The following ANKRD52 variants were observed in gnomAD, a reference collection of about 807,000 sequenced individuals.
ANKRD52 encodes the protein ankyrin repeat domain 52, also known as serine/threonine-protein phosphatase 6 regulatory ankyrin repeat subunit C.
In ANKRD52, 7 loss-of-function variants were observed where a neutral mutation model predicts 116.0. That is an observed-to-expected ratio of 0.06 (90% CI 0.03 to 0.11). The LOEUF is 0.11. Among genes scored for constraint, ANKRD52 ranks in the 10% least tolerant of loss-of-function variants. The probability of loss-of-function intolerance (pLI) is 1.00; values close to 1 mark genes in which losing one functional copy is unlikely to be tolerated. For missense variants in ANKRD52, 839 were observed against 1,408.6 expected, an observed-to-expected ratio of 0.60 and a Z score of 6.47; for synonymous variants, 528 against 578.1, an observed-to-expected ratio of 0.91 and a Z score of 1.24.
rs12815735 is a variant in ANKRD52, at chr12:56,239,219, G to A, written c.*3923C>T. ...CTCTAGGGGTTGGGTTGGGAGGAGG[G>A]AGCCCCCAAGGCAGACCCTTCCCTC... On this transcript the variant is annotated 3_prime_UTR_variant, in exon 28 of 28. Coordinates refer to ENST00000267116, the MANE Select transcript of ANKRD52 (RefSeq NM_173595.4). The A allele has an allele frequency of 0.014, 2,195 of 152,392 alleles. 28 individuals carry two copies. The highest frequency in any genetic ancestry group is 0.025 in the Non-Finnish European group (1,709 of 68,080). 9.4% of individuals were successfully genotyped at this position (152,392 alleles called of 1,614,324 possible).
At chr12:56,245,297 C>T (rs1871342761) in intron 21 of ANKRD52, 80 bp downstream of exon 21, 3 of 1,591,116 alleles carry the variant, frequency 1.9e-6, no homozygotes, top group Non-Finnish European at 2.6e-6. Flanking sequence ...CAACCCAGGT[C>T]CCCCCCAACA....
Position 56,248,936 on chromosome 12 carries a change from G to T in ANKRD52, c.1593-66C>A. 1.6e-6 allele frequency: 2 copies of T among 1,236,240 alleles called. No individual in the cohort carries two copies. Among genetic ancestry groups the T allele is most frequent in the Non-Finnish European group, 2.2e-6 (2 of 893,072 alleles). The allele number at this position is 1,236,240 out of a possible 1,614,324, so 76.6% of individuals were successfully genotyped here. ...AGCCCAGGAGGGCACAGTTCTGGGAGGGCCAGAGGAGAGGACCAAGGCCCT... is the reference window on the plus strand; with the variant it reads ...AGCCCAGGAGGGCACAGTTCTGGGATGGCCAGAGGAGAGGACCAAGGCCCT... On this transcript the variant is annotated intron_variant, in intron 15 of 27. Transcript: ENST00000267116. The surrounding 1 kb of genome is among the most constrained non-coding windows in gnomAD (Gnocchi z 5.1).
At chr12:56,246,952 T>C (rs1592389218) in intron 20 of ANKRD52, among the ~76,000 whole-genome samples, 2 of 145,504 alleles carry the variant, frequency 1.4e-5, no homozygotes, top group South Asian at 4.3e-4. Flanking sequence ...ATAATAATAA[T>C]AATAATAATA....
At position 56,248,340 on chromosome 12, in the gene ANKRD52, C is replaced by A; in HGVS notation, c.1777-116G>T. On this transcript the variant is annotated intron_variant, in intron 17 of 27. Transcript: ENST00000267116. This position sits in a 1 kb window ranked among gnomAD's most constrained non-coding sequence, Gnocchi z 5.1. Reference sequence around the variant, plus strand: ...CAAGGTCTTAGTCCTTGACAAGCTCCTTGGGCCCCTTAAGGCTTCCTACCC... The same window carrying A: ...CAAGGTCTTAGTCCTTGACAAGCTCATTGGGCCCCTTAAGGCTTCCTACCC... 6.9e-7 allele frequency: 1 copy of A among 1,440,144 alleles called. No individual in the cohort carries two copies. Among genetic ancestry groups the A allele is most frequent in the Middle Eastern group, 1.8e-4 (1 of 5,620 alleles). 89.2% of individuals were successfully genotyped at this position (1,440,144 alleles called of 1,614,324 possible). A position where few individuals can be genotyped will look rare whatever the true frequency, so the allele number is the denominator to read the frequency against.
At position 56,253,077 on chromosome 12, in the gene ANKRD52, G is replaced by A; in HGVS notation, c.1110C>T (p.Ile370=). Residue 370 remains isoleucine, a synonymous_variant, in exon 11 of 28, where the codon ATC becomes ATT. Coordinates refer to ENST00000267116, the MANE Select transcript of ANKRD52 (RefSeq NM_173595.4). This position sits in a 1 kb window ranked among gnomAD's most constrained non-coding sequence, Gnocchi z 5.5. ...CTAAGTGCAGGGGGAACATGTCATG[G>A]ATGCCACGCCTAGAGAGAAGTTGAG... The part of the protein sequence containing the change: ...TNGADTARRG[I]HDMFPLHLAV... 6.3e-7 allele frequency: 1 copy of A among 1,577,166 alleles called. No individual in the cohort carries two copies. Among genetic ancestry groups the A allele is most frequent in the Non-Finnish European group, 8.6e-7 (1 of 1,161,832 alleles).
At position 56,257,076 on chromosome 12, in the gene ANKRD52, A is replaced by G; in HGVS notation, c.200T>C (p.Val67Ala). Residue 67 changes from valine (V) to alanine (A), a missense_variant, in exon 4 of 28, where the codon GTC (valine) becomes GCC (alanine). Val to Ala is a moderately conservative substitution (Grantham distance 64). Around this residue, in one of 2 missense-constraint regions of ANKRD52, gnomAD observed 287 missense variants for 598.1 expected, o/e 0.48. Coordinates refer to ENST00000267116, the MANE Select transcript of ANKRD52 (RefSeq NM_173595.4). ...CAGCCACAGTGTGTCCTTAGCATTGACATTAGCACCTGTGGGGATATAATT... is the reference window on the plus strand; with the variant it reads ...CAGCCACAGTGTGTCCTTAGCATTGGCATTAGCACCTGTGGGGATATAATT... Reference protein sequence around the residue: ...LQLLLMSGANVNAKDTLWLTP... With the variant: ...LQLLLMSGANANAKDTLWLTP... 6.2e-7 allele frequency: 1 copy of G among 1,612,990 alleles called. No individual in the cohort carries two copies. The highest frequency in any genetic ancestry group is 8.5e-7 in the Non-Finnish European group (1 of 1,179,576).
In ANKRD52 at chr12:56,241,728, C is replaced by G; in HGVS notation, c.*1414G>C. ...CACTGGGCTGCAGGAGTGGGTCCAA[C>G]TGTCCAGGAGGCTGCACTAGGAGAT... On this transcript the variant is annotated 3_prime_UTR_variant, in exon 28 of 28. Coordinates refer to ENST00000267116, the MANE Select transcript of ANKRD52 (RefSeq NM_173595.4). The G allele has an allele frequency of 2.8e-6, 1 of 351,176 alleles. No individual in the cohort carries two copies. The highest frequency in any genetic ancestry group is 5.1e-6 in the Non-Finnish European group (1 of 196,352). The allele number at this position is 351,176 out of a possible 1,614,324, so 21.8% of individuals were successfully genotyped here. A position where few individuals can be genotyped will look rare whatever the true frequency, so the allele number is the denominator to read the frequency against.
rs1871459018 is a variant in ANKRD52 at position 56,247,351 on chromosome 12, A to C, written c.2184+142T>G. The C allele has an allele frequency of 1.8e-5, 12 of 659,026 alleles. No homozygotes were observed. The South Asian group carries it at 2.8e-4, about 15-fold the overall frequency. The allele number at this position is 659,026 out of a possible 1,614,324, so 40.8% of individuals were successfully genotyped here. On this transcript the variant is annotated intron_variant, in intron 20 of 27. Coordinates refer to ENST00000267116, the MANE Select transcript of ANKRD52 (RefSeq NM_173595.4). ...ATGGGAGTGAGACCCTGTCTCAAAA[A>C]AAAAAAAAAAAAAGAAAAAGAAAAA...
rs1156649028 is a variant in ANKRD52, at chr12:56,248,302, T to C, written c.1777-78A>G. 6.4e-7 allele frequency: 1 copy of C among 1,553,582 alleles called. No individual in the cohort carries two copies. Among genetic ancestry groups the C allele is most frequent in the Non-Finnish European group, 8.8e-7 (1 of 1,133,326 alleles). On this transcript the variant is annotated intron_variant, in intron 17 of 27. Transcript: ENST00000267116. The surrounding 1 kb of genome is among the most constrained non-coding windows in gnomAD (Gnocchi z 5.1). ...CCCTTCCCCTTCTCTGCTCTTGGGG[T>C]CCCTGGGAAGCTCAAGGTCTTAGTC...
chr12:56,245,708 CTTTTTTTTTT>C (rs918818332), intron 20 of ANKRD52, 112 bp from the exon 21 acceptor site: 19 of 397,884 alleles, frequency 4.8e-5, no homozygotes, highest in Non-Finnish European at 7.0e-5. Flanking sequence ...CAATCCTTGT[CTTTTTTTTTT>C]TTTTTTTTTT....
chr12:56,240,746 C>CACATATGGAGGGACAGAGG lies in ANKRD52; in HGVS notation c.*2377_*2395dup, dbSNP rs1555157160. On this transcript the variant is annotated 3_prime_UTR_variant, in exon 28 of 28. Transcript: ENST00000267116. The surrounding 1 kb of genome is among the most constrained non-coding windows in gnomAD (Gnocchi z 4.2). ...CTTGTCCCCCAGGCTTCCTCACAGC[C>CACATATGGAGGGACAGAGG]ACATATGGAGGGACAGAGGACTCCC... is the stretch of plus-strand genomic sequence containing the variant. The CACATATGGAGGGACAGAGG allele has an allele frequency of 6.6e-6, 1 of 152,246 alleles. No individual in the cohort carries two copies. The highest frequency in any genetic ancestry group is 1.9e-4 in the East Asian group (1 of 5,156). The allele number at this position is 152,246 out of a possible 1,614,324, so 9.4% of individuals were successfully genotyped here.
rs1009245281 is a variant in ANKRD52, at chr12:56,258,364, C to G, written c.-95G>C. ...GCGGCCCAGGCGGCGGCTGCGGTGGCGGCTGCAGGGAGAGCGCGGCCCCGC... is the reference window on the plus strand; with the variant it reads ...GCGGCCCAGGCGGCGGCTGCGGTGGGGGCTGCAGGGAGAGCGCGGCCCCGC... On this transcript the variant is annotated 5_prime_UTR_variant, in exon 1 of 28. Coordinates refer to ENST00000267116, the MANE Select transcript of ANKRD52 (RefSeq NM_173595.4). 1 of 1,325,034 alleles carries G rather than the reference C, an allele frequency of 7.5e-7. No homozygotes were observed. Among genetic ancestry groups the G allele is most frequent in the Non-Finnish European group, 9.7e-7 (1 of 1,033,490 alleles). The allele number at this position is 1,325,034 out of a possible 1,614,324, so 82.1% of individuals were successfully genotyped here.
rs935125473 is a variant in ANKRD52, at chr12:56,242,817, G to A, written c.*325C>T. ...AGAGAGGAGTCCCCAGGGAAGAGTC[G>A]GGGGAGCTGGCAGCAGAAAGAGGGA... is the stretch of plus-strand genomic sequence containing the variant. On this transcript the variant is annotated 3_prime_UTR_variant, in exon 28 of 28. Transcript: ENST00000267116. This position sits in a 1 kb window ranked among gnomAD's most constrained non-coding sequence, Gnocchi z 4.3. 5.6e-5 allele frequency: 18 copies of A among 324,148 alleles called. No individual in the cohort carries two copies. In the East Asian group the frequency reaches 7.7e-4, roughly 14 times the overall value. 20.1% of individuals were successfully genotyped at this position (324,148 alleles called of 1,614,324 possible).
intron 3 of ANKRD52, 90 bp downstream of exon 3, chr12:56,257,182 CGCCTGGACCAA>C (rs776019409): frequency 1.9e-6 from 3 of 1,550,218 alleles, no homozygotes; most frequent in East Asian, 2.3e-5. Context: ...GCTGGAGCCT[CGCCTGGACCAA>C]GCCGGGGAGA....
In ANKRD52 at chr12:56,253,335, G is replaced by C; in HGVS notation, c.1053C>G (p.His351Gln). The change falls in exon 10 of 28, where the codon CAC becomes CAG. Residue 351 changes from histidine to glutamine, a missense_variant. Coordinates refer to ENST00000267116, the MANE Select transcript of ANKRD52 (RefSeq NM_173595.4). The surrounding 1 kb of genome is among the most constrained non-coding windows in gnomAD (Gnocchi z 5.5). ...TCATGAGGGTGCTGATGAGCAGCTC[G>C]TGTCCATATCGAGCAGCCACATGCA... ...TPLHVAARYG[H>Q]ELLISTLMTN... 6.2e-7 allele frequency: 1 copy of C among 1,613,972 alleles called. No individual in the cohort carries two copies. The highest frequency in any genetic ancestry group is 8.5e-7 in the Non-Finnish European group (1 of 1,179,882).
chr12:56,244,843 T>C lies in ANKRD52; in HGVS notation c.2577-46A>G, dbSNP rs753001022. On this transcript the variant is annotated intron_variant, in intron 23 of 27. Coordinates refer to ENST00000267116, the MANE Select transcript of ANKRD52 (RefSeq NM_173595.4). This position sits in a 1 kb window ranked among gnomAD's most constrained non-coding sequence, Gnocchi z 4.9. ...TAGATTAAAATAGGGAAGAGTATAC[T>C]GCCCAAGCAGAAAGGGGAAGCCAGA... 153 of 1,613,718 alleles carry C rather than the reference T, an allele frequency of 9.5e-5. 2 individuals carry two copies. In the South Asian group the frequency reaches 1.6e-3, roughly 17 times the overall value.
intron 4 of ANKRD52, among the ~76,000 whole-genome samples, chr12:56,256,787 C>A (rs1871974902): frequency 6.6e-6 from 1 of 152,212 alleles, no homozygotes; most frequent in Admixed American, 6.5e-5. Context: ...AGGGCCCCCG[C>A]AGTCTGCCAG....
rs1235968194 is a variant in ANKRD52 at position 56,243,774 on chromosome 12, A to T, written c.2980+11T>A. 3 of 1,552,840 alleles carry T rather than the reference A, an allele frequency of 1.9e-6. No individual in the cohort carries two copies. In the South Asian group the frequency reaches 3.6e-5, roughly 18 times the overall value. The stretch of plus-strand genomic sequence containing the variant: ...ACCCAAGAGAGGCATGGGGCCCCAG[A>T]CCCCACCCACCTTCTTCATCCACAG... On this transcript the variant is annotated intron_variant, in intron 27 of 27. Coordinates refer to ENST00000267116, the MANE Select transcript of ANKRD52 (RefSeq NM_173595.4). This position sits in a 1 kb window ranked among gnomAD's most constrained non-coding sequence, Gnocchi z 4.6.
At position 56,245,096 on chromosome 12, in the gene ANKRD52, G is replaced by C; in HGVS notation, c.2492+7C>G. On this transcript the variant is annotated splice_region_variant and intron_variant, in intron 22 of 27. Transcript: ENST00000267116. The stretch of plus-strand genomic sequence containing the variant: ...CGAGAAGGGCTGATGCAGCAGAAGG[G>C]ACTTACACTGCACAGTGCAAAGGAG... 1 of 1,613,822 alleles carries C rather than the reference G, an allele frequency of 6.2e-7. No homozygotes were observed. Among genetic ancestry groups the C allele is most frequent in the Non-Finnish European group, 8.5e-7 (1 of 1,179,752 alleles).
Sources: allele counts gnomAD v4.1 joint callset (sites outside exome capture counted in the v4.1 genomes callset), GRCh38; gene constraint gnomAD v4.1.1; regional missense constraint gnomAD v4.1.1; non-coding constraint Gnocchi (gnomAD v3.1); transcripts MANE v1.5; gene names NCBI Gene and HGNC (gene_info 2026-07-23, HGNC 2026-07-21).